The following EXOC3L2 variants were observed in gnomAD, a reference collection of about 807,000 sequenced individuals.
EXOC3L2 encodes the protein exocyst complex component 3-like protein 2.
In EXOC3L2, 17 loss-of-function variants were observed where a neutral mutation model predicts 44.4. The ratio of observed to expected loss-of-function variants is 0.38; its 90% CI spans 0.26 to 0.57. EXOC3L2 has a LOEUF of 0.57. EXOC3L2 is among the 20% of genes least tolerant of loss of function. The pLI is 0.65. For synonymous variants in EXOC3L2, 256 were observed against 253.7 expected (o/e 1.01, Z -0.09); for missense variants, 541 against 588.4 (o/e 0.92, Z 0.83).
At position 45,234,132 on chromosome 19, in the gene EXOC3L2, C is replaced by A. The variant is rs1348845442; in HGVS notation, c.1157+61G>T. ...CCAAGGTCCTTAAGGTCTGAAGAAGCCAGTGCTAGGGGGTAGGGCTGAGGG... is the reference window on the plus strand; with the variant it reads ...CCAAGGTCCTTAAGGTCTGAAGAAGACAGTGCTAGGGGGTAGGGCTGAGGG... On this transcript the variant is annotated intron_variant, in intron 3 of 11. Coordinates refer to ENST00000413988, the MANE Select transcript of EXOC3L2 (RefSeq NM_001382422.1). The surrounding 1 kb of genome is among the most constrained non-coding windows in gnomAD (Gnocchi z 5.0). The A allele has an allele frequency of 5.2e-6, 2 of 383,236 alleles. No individual in the cohort carries two copies. Among genetic ancestry groups the A allele is most frequent in the Non-Finnish European group, 9.3e-6 (2 of 215,988 alleles). 23.7% of individuals were successfully genotyped at this position (383,236 alleles called of 1,614,324 possible).
At chr19:45,233,401 C>G (rs147792159) in intron 3 of EXOC3L2, among the ~76,000 whole-genome samples, 18 of 152,220 alleles carry the variant, frequency 1.2e-4, no homozygotes, top group Non-Finnish European at 2.1e-4. Flanking sequence ...TACTAATGCC[C>G]TAGGCTCTAA....
At chr19:45,225,620 C>CT (rs555190100) in intron 7 of EXOC3L2, among the ~76,000 whole-genome samples, 7,804 of 125,234 alleles carry the variant, frequency 0.062, 349 homozygotes, top group Middle Eastern at 0.11. Flanking sequence ...TTACTCTTCT[C>CT]TTTTTTTTTT....
chr19:45,226,082 C>T (rs1336286344), intron 7 of EXOC3L2, among the ~76,000 whole-genome samples: 1 of 152,180 alleles, frequency 6.6e-6, no homozygotes, highest in African/African-American at 2.4e-5. Flanking sequence ...GCTTAGCTGT[C>T]CTATCATTTA....
rs922723697 is a variant in EXOC3L2, at chr19:45,219,645, G to A, written c.1720-1326C>T. Among the ~76,000 whole-genome samples the A allele has an allele frequency of 6.6e-5, 10 of 152,030 alleles. No homozygotes were observed. In the East Asian group the frequency reaches 7.7e-4, roughly 12 times the overall value. ...CCCTTGAGTAGATCCGGTATTTGAC[G>A]AAACTTGTGAAAGTGGGTGGAACCT... On this transcript the variant is annotated intron_variant, in intron 8 of 11. Coordinates refer to ENST00000413988, the MANE Select transcript of EXOC3L2 (RefSeq NM_001382422.1).
intron 8 of EXOC3L2, among the ~76,000 whole-genome samples, chr19:45,218,973 T>G (rs1194880731): frequency 6.6e-6 from 1 of 151,994 alleles, no homozygotes; most frequent in African/African-American, 2.4e-5. Flanking sequence ...GCGCAGTGGC[T>G]CACGCCTGTA....
In EXOC3L2 at chr19:45,234,549, C is replaced by G; in HGVS notation, c.801G>C (p.Leu267=). The part of the protein sequence containing the change: ...AGAVAQLGQV[L]VQEEAADGRR... ...GCCCGTCGGCCGCCTCCTCCTGTAC[C>G]AGCACCTGGCCCAGCTGCGCCACCG... The change falls in exon 3 of 12, where the codon CTG becomes CTC. Residue 267 remains leucine (L), a synonymous_variant. Transcript: ENST00000413988. The surrounding 1 kb of genome is among the most constrained non-coding windows in gnomAD (Gnocchi z 5.0). The G allele has an allele frequency of 3.9e-6, 1 of 254,930 alleles. No individual in the cohort carries two copies. Among genetic ancestry groups the G allele is most frequent in the Admixed American group, 5.5e-5 (1 of 18,162 alleles). The allele number at this position is 254,930 out of a possible 1,614,324, so 15.8% of individuals were successfully genotyped here.
At chr19:45,232,129 C>T (rs1378031896) in intron 3 of EXOC3L2, among the ~76,000 whole-genome samples, 3 of 152,140 alleles carry the variant, frequency 2.0e-5, no homozygotes, top group Non-Finnish European at 4.4e-5. Context: ...GAAGATCTGA[C>T]ATGCAAGGCT....
Position 45,228,351 on chromosome 19 carries a change from C to T in EXOC3L2, c.1270-85G>A, listed in dbSNP as rs1969990693. The T allele has an allele frequency of 3.3e-6, 4 of 1,198,828 alleles. No homozygotes were observed. The East Asian group carries it at 9.7e-5, about 29-fold the overall frequency. The allele number at this position is 1,198,828 out of a possible 1,614,324, so 74.3% of individuals were successfully genotyped here. Reference sequence around the variant, plus strand: ...TATCTCTTTCTCCCACCACAATCCCCTAGCCCTTAACCCCAAGCAGTTCTG... The same window carrying T: ...TATCTCTTTCTCCCACCACAATCCCTTAGCCCTTAACCCCAAGCAGTTCTG... On this transcript the variant is annotated intron_variant, in intron 4 of 11. Coordinates refer to ENST00000413988, the MANE Select transcript of EXOC3L2 (RefSeq NM_001382422.1).
chr19:45,212,661 G>A lies in EXOC3L2; in HGVS notation c.*408C>T, dbSNP rs1969787072. On this transcript the variant is annotated 3_prime_UTR_variant, in exon 12 of 12. Coordinates refer to ENST00000413988, the MANE Select transcript of EXOC3L2 (RefSeq NM_001382422.1). ...TTTGTTGACCAGGCTGGAGTGCAGT[G>A]GCACAGTCATAGCTCACTGCAGCCT... 2 of 153,710 alleles carry A rather than the reference G, an allele frequency of 1.3e-5. No individual in the cohort carries two copies. Among genetic ancestry groups the A allele is most frequent in the Admixed American group, 1.4e-4 (2 of 14,492 alleles). 9.5% of individuals were successfully genotyped at this position (153,710 alleles called of 1,614,324 possible). A position where few individuals can be genotyped will look rare whatever the true frequency, so the allele number is the denominator to read the frequency against.
chr19:45,243,162 C>A (rs1241385751), intron 1 of EXOC3L2, among the ~76,000 whole-genome samples: 4 of 152,146 alleles, frequency 2.6e-5, no homozygotes, highest in Non-Finnish European at 5.9e-5. Flanking sequence ...CATGTCTAGC[C>A]ATACAGCTCC....
chr19:45,216,039 C>A, intron 11 of EXOC3L2, 34 bp downstream of exon 11: 2 of 1,609,256 alleles, frequency 1.2e-6, no homozygotes, highest in Non-Finnish European at 1.7e-6. Flanking sequence ...CTCGGCCAGG[C>A]ACGGCGAGCC....
At chr19:45,218,065 A>C in intron 9 of EXOC3L2, 132 bp downstream of exon 9, 1 of 1,258,044 alleles carries the variant, frequency 7.9e-7, no homozygotes, top group Non-Finnish European at 1.1e-6. Flanking sequence ...TCCCCACCTT[A>C]GAGGGGTTTC....
intron 7 of EXOC3L2, among the ~76,000 whole-genome samples, chr19:45,227,022 G>A (rs1969970470): frequency 6.6e-6 from 1 of 151,138 alleles, no homozygotes; most frequent in Non-Finnish European, 1.5e-5. Context: ...CAAAGTGCTG[G>A]GATTACGGGT....
chr19:45,226,254 G>C (rs1443712702), intron 7 of EXOC3L2, among the ~76,000 whole-genome samples: 3 of 152,092 alleles, frequency 2.0e-5, no homozygotes, highest in Admixed American at 6.6e-5. Flanking sequence ...GAAAGTGCTT[G>C]GTCTGGACTG....
Position 45,231,801 on chromosome 19 carries a change from G to C in EXOC3L2, c.1231C>G (p.Leu411Val). ...ELGPLLSPGT[L>V]RGLEDECVTD... ...ACGCATTCATCCTCCAAACCCCGCA[G>C]GGTGCCAGGGGAGAGAAGGGGCCCC... is the stretch of plus-strand genomic sequence containing the variant. The change falls in exon 4 of 12, where the codon CTG becomes GTG. Residue 411 changes from leucine to valine, a missense_variant. Transcript: ENST00000413988. 6.2e-7 allele frequency: 1 copy of C among 1,610,822 alleles called. No homozygotes were observed. Among genetic ancestry groups the C allele is most frequent in the Non-Finnish European group, 8.5e-7 (1 of 1,177,434 alleles).
intron 1 of EXOC3L2, among the ~76,000 whole-genome samples, chr19:45,244,492 C>T (rs961878797): frequency 6.6e-6 from 1 of 152,132 alleles, no homozygotes; most frequent in African/African-American, 2.4e-5. Context: ...CTGGCTCCAA[C>T]ACCCGCCTCT....
In EXOC3L2 at chr19:45,217,703, A is replaced by C; in HGVS notation, c.1843-20T>G. The C allele has an allele frequency of 7.2e-7, 1 of 1,395,262 alleles. No individual in the cohort carries two copies. The highest frequency in any genetic ancestry group is 9.2e-7 in the Non-Finnish European group (1 of 1,082,956). 86.4% of individuals were successfully genotyped at this position (1,395,262 alleles called of 1,614,324 possible). A position where few individuals can be genotyped will look rare whatever the true frequency, so the allele number is the denominator to read the frequency against. ...CAGCGCCTGGAGGCGGAGGAGGGAAACCCGAGGGGTGTGAGCCATGCCCCA... is the reference window on the plus strand; with the variant it reads ...CAGCGCCTGGAGGCGGAGGAGGGAACCCCGAGGGGTGTGAGCCATGCCCCA... On this transcript the variant is annotated intron_variant, in intron 9 of 11. Transcript: ENST00000413988.
At chr19:45,215,734 C>G (rs1449382313) in intron 11 of EXOC3L2, among the ~76,000 whole-genome samples, 2 of 152,144 alleles carry the variant, frequency 1.3e-5, no homozygotes, top group African/African-American at 4.8e-5. Context: ...TGTCCCAGTG[C>G]GTGTGCGCCC....
In EXOC3L2 at chr19:45,218,236, C is replaced by T; in HGVS notation, c.1803G>A (p.Gln601=). Residue 601 remains glutamine (Q), a synonymous_variant, in exon 9 of 12, where the codon CAG becomes CAA. Coordinates refer to ENST00000413988, the MANE Select transcript of EXOC3L2 (RefSeq NM_001382422.1). ...LDGIVGTLGA[Q]ALALRRMQDE... ...CCTGCATTCTGCGCAGGGCCAGGGC[C>T]TGGGCACCCAGCGTGCCCACGATGC... 1.2e-6 allele frequency: 2 copies of T among 1,604,330 alleles called. No individual in the cohort carries two copies. Among genetic ancestry groups the T allele is most frequent in the Non-Finnish European group, 1.7e-6 (2 of 1,176,660 alleles).
Sources: allele counts gnomAD v4.1 joint callset (sites outside exome capture counted in the v4.1 genomes callset), GRCh38; gene constraint gnomAD v4.1.1; non-coding constraint Gnocchi (gnomAD v3.1); transcripts MANE v1.5; gene names NCBI Gene and HGNC (gene_info 2026-07-23, HGNC 2026-07-21).